CFAP95: variants seen among roughly 807,000 people sequenced by gnomAD.
CFAP95 encodes cilia and flagella associated protein 95, also known as cilia- and flagella-associated protein 95.
At chr9:69,904,258 T>C in the CFAP95 span, among the ~76,000 whole-genome samples, 4 of 152,250 alleles carry the variant, frequency 2.6e-5, no homozygotes, top group Non-Finnish European at 5.9e-5. Flanking sequence ...CTTTTCTGTG[T>C]CTGTGAATCT....
At chr9:69,905,935 T>C in the CFAP95 span, 1 of 1,484,358 alleles carries the variant, frequency 6.7e-7, no homozygotes, top group Admixed American at 2.4e-5. Flanking sequence ...AAATATTATT[T>C]CTCTTTTTTC....
chr9:69,865,214 C>T, the CFAP95 span, among the ~76,000 whole-genome samples: 4 of 152,158 alleles, frequency 2.6e-5, no homozygotes, highest in Non-Finnish European at 5.9e-5. Flanking sequence ...TGTAAGTTTC[C>T]TGAGGTCTCC....
At chr9:69,845,716 AAC>A in the CFAP95 span, among the ~76,000 whole-genome samples, 30,018 of 152,062 alleles carry the variant, frequency 0.2, 3,122 homozygotes, top group South Asian at 0.24. Context: ...TGCAGGAACT[AAC>A]ACAGCTCTAA....
chr9:69,879,581 A>G, the CFAP95 span, among the ~76,000 whole-genome samples: 1 of 146,812 alleles, frequency 6.8e-6, no homozygotes, highest in Non-Finnish European at 1.5e-5. Context: ...ACTGGGTTTT[A>G]ACATTAAAAT....
the CFAP95 span, among the ~76,000 whole-genome samples, chr9:69,849,878 C>T: frequency 2.0e-5 from 3 of 152,152 alleles, no homozygotes; most frequent in Admixed American, 2.0e-4. Context: ...TGGGTAATAG[C>T]GTTCTAAACT....
chr9:69,891,411 C>A, the CFAP95 span, among the ~76,000 whole-genome samples: 1 of 152,120 alleles, frequency 6.6e-6, no homozygotes, highest in Admixed American at 6.5e-5. Context: ...CCTTCATGGG[C>A]CCCTTCCTCC....
chr9:69,862,821 T>G, the CFAP95 span, among the ~76,000 whole-genome samples: 1 of 152,166 alleles, frequency 6.6e-6, no homozygotes, highest in Non-Finnish European at 1.5e-5. Context: ...TCCCACTGAC[T>G]TTATTTTGGA....
chr9:69,895,335 G>GTCTC, the CFAP95 span, among the ~76,000 whole-genome samples: 713 of 121,192 alleles, frequency 5.9e-3, 4 homozygotes, highest in Middle Eastern at 0.018. Flanking sequence ...CTTAAAATCA[G>GTCTC]TCTCTCTCTC....
the CFAP95 span, among the ~76,000 whole-genome samples, chr9:69,847,168 A>G: frequency 6.6e-6 from 1 of 152,212 alleles, no homozygotes; most frequent in Non-Finnish European, 1.5e-5. Flanking sequence ...ACAAAAGGAA[A>G]TAACTTGCTG....
At chr9:69,901,956 T>C in the CFAP95 span, among the ~76,000 whole-genome samples, 2 of 152,214 alleles carry the variant, frequency 1.3e-5, no homozygotes, top group Non-Finnish European at 2.9e-5. Context: ...CGAGCATTTT[T>C]TCATGTGTTT....
At chr9:69,875,725 G>A in the CFAP95 span, among the ~76,000 whole-genome samples, 36 of 152,102 alleles carry the variant, frequency 2.4e-4, no homozygotes, top group African/African-American at 8.4e-4. Flanking sequence ...TTAAGATTAT[G>A]GAATATTTTC....
chr9:69,898,871 TA>T, the CFAP95 span, among the ~76,000 whole-genome samples: 1 of 151,900 alleles, frequency 6.6e-6, no homozygotes, highest in Non-Finnish European at 1.5e-5. Flanking sequence ...ATTTCCCCCC[TA>T]AAACAAATCA....
chr9:69,867,266 G>A, the CFAP95 span, among the ~76,000 whole-genome samples: 3 of 152,084 alleles, frequency 2.0e-5, no homozygotes, highest in African/African-American at 7.2e-5. Flanking sequence ...ATATGTGAAA[G>A]CACATGATAT....
the CFAP95 span, among the ~76,000 whole-genome samples, chr9:69,874,706 T>TGA: frequency 2.6e-5 from 4 of 152,046 alleles, no homozygotes; most frequent in East Asian, 7.7e-4. Context: ...CACGGGAGAG[T>TGA]GAGTGCCCCT....
the CFAP95 span, among the ~76,000 whole-genome samples, chr9:69,868,687 AAAACAAAAAG>A: frequency 6.6e-6 from 1 of 151,706 alleles, no homozygotes; most frequent in Non-Finnish European, 1.5e-5. Flanking sequence ...ACCAAAAACA[AAAACAAAAAG>A]AAACAAAAAT....
At chr9:69,900,059 C>T in the CFAP95 span, among the ~76,000 whole-genome samples, 1 of 152,158 alleles carries the variant, frequency 6.6e-6, no homozygotes, top group East Asian at 1.9e-4. Context: ...GTATTAAATG[C>T]ATTTCACCTT....
At chr9:69,842,687 A>G in the CFAP95 span, among the ~76,000 whole-genome samples, 8 of 152,258 alleles carry the variant, frequency 5.3e-5, no homozygotes, top group Non-Finnish European at 8.8e-5. Flanking sequence ...CCAAGGCCAC[A>G]CAGCTGGGAC....
chr9:69,897,532 C>T, the CFAP95 span, among the ~76,000 whole-genome samples: 1 of 151,978 alleles, frequency 6.6e-6, no homozygotes, highest in African/African-American at 2.4e-5. Context: ...AAAAATAAAA[C>T]TATCAGAAAT....
chr9:69,844,794 T>C, the CFAP95 span, among the ~76,000 whole-genome samples: 1 of 152,230 alleles, frequency 6.6e-6, no homozygotes, highest in Admixed American at 6.5e-5. Flanking sequence ...AAAATGTGCC[T>C]ACCTCACAAA....
Sources: gnomAD v4.1 joint callset for allele counts (sites outside exome capture counted in the v4.1 genomes callset) on GRCh38, gnomAD v4.1.1 for gene constraint, MANE v1.5 for transcripts, NCBI Gene and HGNC (gene_info 2026-07-23, HGNC 2026-07-21) for gene names.